The following PARVA variants were observed in gnomAD, a reference collection of about 807,000 sequenced individuals.
The protein encoded by PARVA is alpha-parvin.
A neutral mutation model predicts 52.6 loss-of-function variants in PARVA; 25 were observed. That is an observed-to-expected ratio of 0.48 (90% CI 0.35 to 0.66). PARVA has a LOEUF of 0.66. Ranked by LOEUF, PARVA falls within the 30% of genes least tolerant of loss-of-function variation. The pLI is 0.01. For missense variants in PARVA, 373 were observed against 450.9 expected (o/e 0.83, Z 1.56); for synonymous variants, 185 against 179.1 (o/e 1.03, Z -0.26).
chr11:12,425,918 C>A (rs1940224963), intron 1 of PARVA, among the ~76,000 whole-genome samples: 1 of 152,142 alleles, frequency 6.6e-6, no homozygotes. Context: ...ACTATTATAA[C>A]CTATTTGGAG....
intron 1 of PARVA, among the ~76,000 whole-genome samples, chr11:12,402,361 C>T (rs918631308): frequency 6.6e-6 from 1 of 152,170 alleles, no homozygotes; most frequent in Non-Finnish European, 1.5e-5. Context: ...TTATTCCTGA[C>T]GTCATCCATT....
intron 1 of PARVA, among the ~76,000 whole-genome samples, chr11:12,378,582 T>C (rs1939440023): frequency 6.6e-6 from 1 of 151,378 alleles, no homozygotes; most frequent in East Asian, 1.9e-4. Context: ...TTCTTTTTTT[T>C]TTTTTTTTTT....
At chr11:12,522,469 A>T (rs549353376) in intron 12 of PARVA, among the ~76,000 whole-genome samples, 43 of 133,904 alleles carry the variant, frequency 3.2e-4, no homozygotes, top group South Asian at 2.1e-3. Context: ...TCCAGGCTGG[A>T]GTGCAATGGC....
Position 12,462,383 on chromosome 11 carries a change from G to A in PARVA, c.137-11362G>A, listed in dbSNP as rs371577104. Reference sequence around the variant, plus strand: ...GGAGATTTAGAGTATGCAGTGAGAGGGATTTGAGCCTTGCCCCCACTGCTG... The same window carrying A: ...GGAGATTTAGAGTATGCAGTGAGAGAGATTTGAGCCTTGCCCCCACTGCTG... On this transcript the variant is annotated intron_variant, in intron 1 of 12. Coordinates refer to ENST00000334956, the MANE Select transcript of PARVA (RefSeq NM_018222.5). Among the ~76,000 whole-genome samples the A allele has an allele frequency of 1.3e-4, 20 of 152,226 alleles. No individual in the cohort carries two copies. The East Asian group carries it at 2.1e-3, about 16-fold the overall frequency.
At chr11:12,445,355 C>T (rs1005690762) in intron 1 of PARVA, among the ~76,000 whole-genome samples, 1 of 152,044 alleles carries the variant, frequency 6.6e-6, no homozygotes, top group Non-Finnish European at 1.5e-5. Flanking sequence ...GAGGGCCACC[C>T]AACAGACAAG....
At chr11:12,433,700 G>A (rs1940348450) in intron 1 of PARVA, among the ~76,000 whole-genome samples, 1 of 152,194 alleles carries the variant, frequency 6.6e-6, no homozygotes, top group South Asian at 2.1e-4. Flanking sequence ...ACTTGAAGAG[G>A]GAGGAAAAGA....
intron 1 of PARVA, among the ~76,000 whole-genome samples, chr11:12,473,417 G>A (rs2135035704): frequency 6.6e-6 from 1 of 152,278 alleles, no homozygotes; most frequent in African/African-American, 2.4e-5. Context: ...CAGGCAGGAG[G>A]TAGAGACTCA....
At chr11:12,513,205 T>TG (rs1336323422) in intron 8 of PARVA, 94 bp from the exon 9 acceptor site, 2 of 981,422 alleles carry the variant, frequency 2.0e-6, no homozygotes, top group East Asian at 4.8e-5. Flanking sequence ...GTTGACCTTG[T>TG]GACCTTGAGA....
At chr11:12,526,959 GCA>G (rs755428473) in intron 12 of PARVA, among the ~76,000 whole-genome samples, 1 of 152,078 alleles carries the variant, frequency 6.6e-6, no homozygotes, top group Non-Finnish European at 1.5e-5. Context: ...GAAGGGCTAA[GCA>G]CAGTGTGTCA....
chr11:12,517,079 C>T (rs1941576970), intron 10 of PARVA, among the ~76,000 whole-genome samples: 1 of 152,084 alleles, frequency 6.6e-6, no homozygotes, highest in African/African-American at 2.4e-5. Flanking sequence ...ACATCACCTC[C>T]CCCTCCTCCC....
At chr11:12,525,208 A>G (rs1941685339) in intron 12 of PARVA, among the ~76,000 whole-genome samples, 1 of 152,150 alleles carries the variant, frequency 6.6e-6, no homozygotes, top group Non-Finnish European at 1.5e-5. Flanking sequence ...AGGATTTTGG[A>G]CCTTCTAAGG....
intron 4 of PARVA, among the ~76,000 whole-genome samples, chr11:12,486,719 G>A (rs112584061): frequency 5.9e-5 from 9 of 151,836 alleles, no homozygotes; most frequent in Middle Eastern, 3.4e-3. Context: ...GGTGGTGGGC[G>A]CCTGTAATCC....
chr11:12,416,828 A>G (rs1038560877), intron 1 of PARVA, among the ~76,000 whole-genome samples: 1 of 151,976 alleles, frequency 6.6e-6, no homozygotes, highest in Admixed American at 6.6e-5. Context: ...GGGCAGAGAG[A>G]TGGAAGGTGA....
chr11:12,401,987 C>G (rs978392025), intron 1 of PARVA, among the ~76,000 whole-genome samples: 2 of 152,088 alleles, frequency 1.3e-5, no homozygotes, highest in African/African-American at 4.8e-5. Flanking sequence ...TAATTTCACC[C>G]ATTTATAGGG....
intron 12 of PARVA, among the ~76,000 whole-genome samples, chr11:12,523,289 G>T (rs1941661888): frequency 6.6e-6 from 1 of 152,156 alleles, no homozygotes; most frequent in African/African-American, 2.4e-5. Context: ...GAGGTCGGCT[G>T]GGGGCTAGAG....
chr11:12,532,859 G>T lies in PARVA; in HGVS notation c.*4934G>T, dbSNP rs373999316. On this transcript the variant is annotated 3_prime_UTR_variant, in exon 13 of 13. Coordinates refer to ENST00000334956, the MANE Select transcript of PARVA (RefSeq NM_018222.5). ...AATGAGGGAGAAGACGGATCCGATC[G>T]CAGGCATCGGGAGTGCTGATTTTTC... Among the ~76,000 whole-genome samples the T allele has an allele frequency of 2.0e-5, 3 of 152,188 alleles. No individual in the cohort carries two copies. The highest frequency in any genetic ancestry group is 4.4e-5 in the Non-Finnish European group (3 of 68,036).
intron 1 of PARVA, among the ~76,000 whole-genome samples, chr11:12,377,987 G>A (rs1388763751): frequency 1.3e-5 from 2 of 148,234 alleles, no homozygotes; most frequent in African/African-American, 4.9e-5. Context: ...GCGGGCCATC[G>A]AGGCCACCCC....
chr11:12,482,820 A>C (rs1941106277), intron 4 of PARVA, among the ~76,000 whole-genome samples: 1 of 152,154 alleles, frequency 6.6e-6, no homozygotes, highest in African/African-American at 2.4e-5. Context: ...CCCATGATTC[A>C]GTTATGTCCA....
In PARVA at chr11:12,534,882, C is replaced by T. The variant is rs1941816280; in HGVS notation, c.*6957C>T. Among the ~76,000 whole-genome samples, 1 of 152,226 alleles carries T rather than the reference C, an allele frequency of 6.6e-6. No homozygotes were observed. The highest frequency in any genetic ancestry group is 2.1e-4 in the South Asian group (1 of 4,822). ...CAGCTCCTGGAAGCTTTTTCTCATT[C>T]AGGCTTTAGGGGTTACCCCATCTTT... On this transcript the variant is annotated 3_prime_UTR_variant, in exon 13 of 13. Transcript: ENST00000334956.
Sources: gnomAD v4.1 joint callset for allele counts (sites outside exome capture counted in the v4.1 genomes callset) on GRCh38, gnomAD v4.1.1 for gene constraint, MANE v1.5 for transcripts, NCBI Gene and HGNC (gene_info 2026-07-23, HGNC 2026-07-21) for gene names.